ANXA7: variants seen among roughly 807,000 people sequenced by gnomAD.
The protein encoded by ANXA7 is annexin A7.
ANXA7 carries 55 observed loss-of-function variants against 64.9 expected under a neutral mutation model. The observed-to-expected ratio is 0.85, with a 90% CI of 0.68 to 1.06. The LOEUF is 1.06. Ranked by LOEUF, ANXA7 falls within the 50% of genes least tolerant of loss-of-function variation. The pLI is 0.00. For synonymous variants in ANXA7, 200 were observed against 192.4 expected (o/e 1.04, Z -0.33); for missense variants, 548 against 582.1 (o/e 0.94, Z 0.60).
chr10:73,405,977 CAG>C (rs2055751032), intron 1 of ANXA7, among the ~76,000 whole-genome samples: 4 of 150,288 alleles, frequency 2.7e-5, no homozygotes, highest in African/African-American at 9.8e-5. Flanking sequence ...TTTTTTGAGA[CAG>C]AGTTTCGCTC....
chr10:73,393,724 A>G (rs2055523392), intron 5 of ANXA7, among the ~76,000 whole-genome samples: 4 of 152,232 alleles, frequency 2.6e-5, no homozygotes, highest in African/African-American at 7.2e-5. Flanking sequence ...TGGATTAAAG[A>G]CTTAAATGTT....
intron 3 of ANXA7, 39 bp from the exon 4 acceptor site, chr10:73,397,313 CT>C (rs1368283055): frequency 1.5e-6 from 2 of 1,313,526 alleles, no homozygotes; most frequent in Non-Finnish European, 2.1e-6. Flanking sequence ...TAGTACAGTT[CT>C]CATGATTGCA....
At chr10:73,391,186 A>AAAG (rs1554817016) in intron 5 of ANXA7, among the ~76,000 whole-genome samples, 1 of 151,326 alleles carries the variant, frequency 6.6e-6, no homozygotes, top group African/African-American at 2.4e-5. Context: ...AAAAAAAAAA[A>AAAG]AGAGAGAAAT....
chr10:73,403,896 G>A lies in ANXA7; in HGVS notation c.-1-3039C>T, dbSNP rs545650019. The stretch of plus-strand genomic sequence containing the variant: ...CATTTCTTCATCTATAAAATGGGAC[G>A]TGAACGTACCTACTTAAGGATGTTG... On this transcript the variant is annotated intron_variant, in intron 1 of 12. Transcript: ENST00000372921. Among the ~76,000 whole-genome samples, 15 of 152,272 alleles carry A rather than the reference G, an allele frequency of 9.9e-5. 1 individual carries two copies. The South Asian group carries it at 2.1e-3, about 21-fold the overall frequency.
chr10:73,378,608 C>T (rs1310014612), intron 12 of ANXA7, among the ~76,000 whole-genome samples: 1 of 151,980 alleles, frequency 6.6e-6, no homozygotes, highest in Non-Finnish European at 1.5e-5. Context: ...TTTATATAAG[C>T]AAAATGAAAA....
Position 73,380,097 on chromosome 10 carries a change from G to T in ANXA7, c.1023C>A (p.Cys341Ter). Residue 341 changes from cysteine to a stop codon, truncating the protein, a stop_gained, in exon 10 of 13, where the codon TGC becomes TGA. Coordinates refer to ENST00000372921, the MANE Select transcript of ANXA7 (RefSeq NM_001156.5). LOFTEE classifies it high-confidence loss of function. ...GEGRLGTDESCFNMILATRSF... is the reference protein window; with the variant it reads ...GEGRLGTDES ...TTCTTGTGGCAAGGATCATGTTAAA[G>T]CAAGATTCATCGGTCCCTAGTCTCC... The T allele has an allele frequency of 6.2e-7, 1 of 1,614,176 alleles. No individual in the cohort carries two copies. The highest frequency in any genetic ancestry group is 8.5e-7 in the Non-Finnish European group (1 of 1,180,024).
chr10:73,410,781 C>CAAAA (rs536548150), intron 1 of ANXA7, among the ~76,000 whole-genome samples: 3 of 59,440 alleles, frequency 5.0e-5, no homozygotes, highest in Admixed American at 4.1e-4. Context: ...GACTCCATCT[C>CAAAA]AAAAAAAAAA....
chr10:73,380,290 A>T (rs2055255545), intron 9 of ANXA7, 89 bp from the exon 10 acceptor site: 1 of 1,340,720 alleles, frequency 7.5e-7, no homozygotes, highest in Non-Finnish European at 1.0e-6. Context: ...TTGGATTTAA[A>T]GAGACTATTT....
chr10:73,377,149 T>C (rs2055183074), intron 12 of ANXA7, among the ~76,000 whole-genome samples: 3 of 152,236 alleles, frequency 2.0e-5, no homozygotes, highest in Non-Finnish European at 4.4e-5. Context: ...TAAATTTTTA[T>C]GTTATGTATA....
At chr10:73,388,948 G>C (rs2055424275) in intron 5 of ANXA7, among the ~76,000 whole-genome samples, 2 of 152,114 alleles carry the variant, frequency 1.3e-5, no homozygotes, top group Non-Finnish European at 2.9e-5. Context: ...AAATACTATG[G>C]TAGTAACTGT....
At chr10:73,379,061 C>A in intron 11 of ANXA7, 38 bp from the exon 12 acceptor site, 1 of 1,465,500 alleles carries the variant, frequency 6.8e-7, no homozygotes, top group Non-Finnish European at 9.4e-7. Context: ...GAATCATGAT[C>A]TCACAAGAAG....
chr10:73,380,878 G>A (rs1015063455), intron 9 of ANXA7, among the ~76,000 whole-genome samples: 2 of 152,010 alleles, frequency 1.3e-5, no homozygotes, highest in South Asian at 2.1e-4. Context: ...TCATTCATGC[G>A]ACTAAGAGAC....
chr10:73,392,617 T>C (rs909533631), intron 5 of ANXA7, among the ~76,000 whole-genome samples: 1 of 152,164 alleles, frequency 6.6e-6, no homozygotes, highest in African/African-American at 2.4e-5. Context: ...ACTATCTCAA[T>C]AGATGCAGAA....
In ANXA7 at chr10:73,398,257, A is replaced by G; in HGVS notation, c.183T>C (p.Pro61=). 6.2e-7 allele frequency: 1 copy of G among 1,614,090 alleles called. No homozygotes were observed. Residue 61 remains proline (P), a synonymous_variant, in exon 3 of 13, where the codon CCT becomes CCC. Coordinates refer to ENST00000372921, the MANE Select transcript of ANXA7 (RefSeq NM_001156.5). ...CAGGGGCTGGATAACCTCCAGGCGC[A>G]GGGTAGCCTCCAGCTCCTGGGTAGC... ...SSGYPGAGGY[P]APGGYPAPGG... is the part of the protein sequence containing the mutation.
Position 73,379,008 on chromosome 10 carries a change from T to C in ANXA7, c.1181A>G (p.Asn394Ser), listed in dbSNP as rs1050861979. The change falls in exon 12 of 13, where the codon AAC (asparagine) becomes AGC (serine). Residue 394 changes from asparagine to serine, a missense_variant. By Grantham distance (46) the Asn-to-Ser change is conservative. Transcript: ENST00000372921. ...GLKTILQCAL[N>S]RPAFFAERLY... Reference sequence around the variant, plus strand: ...CCTCTCAGCAAAGAAGGCAGGGCGGTTCAGGGCACACTGCACTGCAAGTTA... The same window carrying C: ...CCTCTCAGCAAAGAAGGCAGGGCGGCTCAGGGCACACTGCACTGCAAGTTA... 3 of 1,612,314 alleles carry C rather than the reference T, an allele frequency of 1.9e-6. No homozygotes were observed. The highest frequency in any genetic ancestry group is 1.1e-5 in the South Asian group (1 of 90,718).
chr10:73,408,051 GC>G (rs1192218552), intron 1 of ANXA7: 5 of 152,712 alleles, frequency 3.3e-5, no homozygotes, highest in Non-Finnish European at 4.4e-5. Flanking sequence ...AGGCGCAGTG[GC>G]TCACACCTAT....
At chr10:73,389,742 C>T (rs976319997) in intron 5 of ANXA7, among the ~76,000 whole-genome samples, 6 of 152,206 alleles carry the variant, frequency 3.9e-5, no homozygotes, top group African/African-American at 9.7e-5. Flanking sequence ...CCTCCTGCCT[C>T]AGCCTCCTGA....
At chr10:73,394,992 A>T (rs965289349) in intron 5 of ANXA7, among the ~76,000 whole-genome samples, 1 of 152,228 alleles carries the variant, frequency 6.6e-6, no homozygotes, top group Non-Finnish European at 1.5e-5. Context: ...TAAAATCAAA[A>T]TTTTCATAAC....
intron 1 of ANXA7, 103 bp from the exon 2 acceptor site, chr10:73,400,960 G>A (rs1270779241): frequency 9.7e-6 from 9 of 932,372 alleles, no homozygotes; most frequent in African/African-American, 3.5e-5. Context: ...AGGTTGGAGT[G>A]CAGTGGCGTG....
Sources: gnomAD v4.1 joint callset for allele counts (sites outside exome capture counted in the v4.1 genomes callset) on GRCh38, gnomAD v4.1.1 for gene constraint, MANE v1.5 for transcripts, NCBI Gene and HGNC (gene_info 2026-07-23, HGNC 2026-07-21) for gene names.